SLC16A7: variants seen among roughly 807,000 people sequenced by gnomAD.
SLC16A7 encodes monocarboxylate transporter 2.
In SLC16A7, 33 loss-of-function variants were observed where a neutral mutation model predicts 34.9. The ratio of observed to expected loss-of-function variants is 0.94; its 90% CI spans 0.72 to 1.26. The LOEUF is 1.26. Among genes scored for constraint, SLC16A7 ranks in the 50% most tolerant of loss-of-function variants. The probability of loss-of-function intolerance (pLI) is 0.00; values close to 1 mark genes in which losing one functional copy is unlikely to be tolerated. For missense variants in SLC16A7, 573 were observed against 578.1 expected, an observed-to-expected ratio of 0.99 and a Z score of 0.09; for synonymous variants, 201 against 206.6, an observed-to-expected ratio of 0.97 and a Z score of 0.23.
chr12:59,755,244 G>A (rs1006612698), intron 3 of SLC16A7, among the ~76,000 whole-genome samples: 8 of 152,146 alleles, frequency 5.3e-5, no homozygotes, highest in Non-Finnish European at 1.0e-4. Context: ...AGTGTTGGAA[G>A]TTCTGGCCAG....
intron 1 of SLC16A7, among the ~76,000 whole-genome samples, chr12:59,649,782 C>T (rs915952668): frequency 1.3e-5 from 2 of 152,090 alleles, no homozygotes; most frequent in African/African-American, 4.8e-5. Context: ...AACCCCGTCT[C>T]TACTAAAAAT....
At chr12:59,678,553 G>T (rs1196778070) in intron 2 of SLC16A7, among the ~76,000 whole-genome samples, 2 of 152,140 alleles carry the variant, frequency 1.3e-5, no homozygotes, top group Non-Finnish European at 2.9e-5. Context: ...TTCTACGCAG[G>T]CAGGTTGTCC....
In SLC16A7 at chr12:59,694,785, A is replaced by T. The variant is rs1401889815; in HGVS notation, c.-30-9987A>T. ...CTACCTTTCATTTTTAAAACTAAAGATTAGTAAATGCATTGTATAAATATA... is the reference window on the plus strand; with the variant it reads ...CTACCTTTCATTTTTAAAACTAAAGTTTAGTAAATGCATTGTATAAATATA... On this transcript the variant is annotated intron_variant, in intron 2 of 5. Coordinates refer to ENST00000547379, the MANE Select transcript of SLC16A7 (RefSeq NM_001270623.2). Among the ~76,000 whole-genome samples, 4 of 151,984 alleles carry T rather than the reference A, an allele frequency of 2.6e-5. No homozygotes were observed. The South Asian group carries it at 8.3e-4, about 31-fold the overall frequency.
chr12:59,614,824 T>TAAAAAAAACAAAACAAAACAAAAAAAA (rs1879365708), intron 1 of SLC16A7, among the ~76,000 whole-genome samples: 1 of 35,744 alleles, frequency 2.8e-5, no homozygotes, highest in African/African-American at 1.2e-4. Context: ...CCATTCCTAC[T>TAAAAAAAACAAAACAAAACAAAAAAAA]AAAAAAAAAA....
At chr12:59,606,950 A>T (rs1194794479) in intron 1 of SLC16A7, among the ~76,000 whole-genome samples, 1 of 152,156 alleles carries the variant, frequency 6.6e-6, no homozygotes, top group Non-Finnish European at 1.5e-5. Flanking sequence ...GATAGAGAAC[A>T]TGATTTTCTA....
At chr12:59,636,157 G>A (rs963360448) in intron 1 of SLC16A7, among the ~76,000 whole-genome samples, 1 of 151,994 alleles carries the variant, frequency 6.6e-6, no homozygotes, top group Non-Finnish European at 1.5e-5. Flanking sequence ...GATCAAAACT[G>A]TGTAGGTTCT....
chr12:59,601,209 A>C (rs1878667281), intron 1 of SLC16A7, among the ~76,000 whole-genome samples: 1 of 152,218 alleles, frequency 6.6e-6, no homozygotes. Context: ...AATATGTATC[A>C]TTATTAATTA....
chr12:59,764,857 A>G (rs1266577814), intron 3 of SLC16A7, among the ~76,000 whole-genome samples: 1 of 152,040 alleles, frequency 6.6e-6, no homozygotes, highest in Non-Finnish European at 1.5e-5. Context: ...CAGTAATGGG[A>G]TTGCTGGGTC....
At chr12:59,642,405 C>T (rs1383207826) in intron 1 of SLC16A7, among the ~76,000 whole-genome samples, 1 of 151,946 alleles carries the variant, frequency 6.6e-6, no homozygotes, top group Non-Finnish European at 1.5e-5. Flanking sequence ...ATTTCGCTTA[C>T]CATATTTTTC....
rs1883621627 is a variant in SLC16A7 at position 59,786,335 on chromosome 12, T to C, written c.*6656T>C. ...TTAAAACATTCTTTTGACTAAGACT[T>C]TAATTCTTATATGCATCTAAAATAA... On this transcript the variant is annotated 3_prime_UTR_variant, in exon 6 of 6. Transcript: ENST00000547379. 1 of 151,140 alleles carries C rather than the reference T, an allele frequency of 6.6e-6. No individual in the cohort carries two copies. Among genetic ancestry groups the C allele is most frequent in the Non-Finnish European group, 1.5e-5 (1 of 67,966 alleles). The allele number at this position is 151,140 out of a possible 1,614,324, so 9.4% of individuals were successfully genotyped here. A position where few individuals can be genotyped will look rare whatever the true frequency, so the allele number is the denominator to read the frequency against.
chr12:59,768,237 G>C, intron 3 of SLC16A7: 1 of 453,808 alleles, frequency 2.2e-6, no homozygotes, highest in Non-Finnish European at 4.4e-6. Flanking sequence ...TATGGGAGGA[G>C]GTCAAAATAC....
At chr12:59,665,447 A>G (rs1197658223) in intron 2 of SLC16A7, among the ~76,000 whole-genome samples, 1 of 151,958 alleles carries the variant, frequency 6.6e-6, no homozygotes, top group African/African-American at 2.4e-5. Flanking sequence ...GTTGAAAAAA[A>G]ATAGTAAAAA....
Position 59,650,268 on chromosome 12 carries a change from T to C in SLC16A7, c.-129-4884T>C, listed in dbSNP as rs891283586. Among the ~76,000 whole-genome samples the C allele has an allele frequency of 7.2e-5, 11 of 152,008 alleles. 1 individual carries two copies. The highest frequency in any genetic ancestry group is 5.2e-4 in the Admixed American group (8 of 15,248). On this transcript the variant is annotated intron_variant, in intron 1 of 5. Coordinates refer to ENST00000547379, the MANE Select transcript of SLC16A7 (RefSeq NM_001270623.2). The stretch of plus-strand genomic sequence containing the variant: ...TGTCTTATTCAAAATAAAGGAGATA[T>C]GGTATTATGAAGTGAATTCTAAGCA...
Position 59,668,567 on chromosome 12 carries a change from G to A in SLC16A7, c.-31+13317G>A, listed in dbSNP as rs143132966. The stretch of plus-strand genomic sequence containing the variant: ...TCTGCACCCCAGTTGTATCTAGGAA[G>A]GAACTAACTTGCTTTTGATTTTACA... On this transcript the variant is annotated intron_variant, in intron 2 of 5. Coordinates refer to ENST00000547379, the MANE Select transcript of SLC16A7 (RefSeq NM_001270623.2). 4.1e-3 allele frequency among the ~76,000 whole-genome samples: 631 copies of A among 152,258 alleles called. 16 individuals are homozygous for A. Among genetic ancestry groups the A allele is most frequent in the Non-Finnish European group, 1.7e-3 (119 of 68,022 alleles).
At position 59,786,292 on chromosome 12, in the gene SLC16A7, T is replaced by C. The variant is rs1466325146; in HGVS notation, c.*6613T>C. On this transcript the variant is annotated 3_prime_UTR_variant, in exon 6 of 6. Coordinates refer to ENST00000547379, the MANE Select transcript of SLC16A7 (RefSeq NM_001270623.2). ...CAAAAGAATGGCATTTTATCTCACA[T>C]AAATTTAGGATGAAATTTTAAAACA... is the stretch of plus-strand genomic sequence containing the variant. 6.6e-6 allele frequency: 1 copy of C among 151,990 alleles called. No individual in the cohort carries two copies. Among genetic ancestry groups the C allele is most frequent in the Non-Finnish European group, 1.5e-5 (1 of 67,964 alleles). The allele number at this position is 151,990 out of a possible 1,614,324, so 9.4% of individuals were successfully genotyped here.
In SLC16A7 at chr12:59,783,621, A is replaced by G. The variant is rs1297004122; in HGVS notation, c.*3942A>G. On this transcript the variant is annotated 3_prime_UTR_variant, in exon 6 of 6. Transcript: ENST00000547379. ...TGTTTATTAGAGAACTGCATTTGCT[A>G]GAACCTGAATATGTAATTTCTTTCT... The G allele has an allele frequency of 1.3e-5, 2 of 151,400 alleles. No individual in the cohort carries two copies. The highest frequency in any genetic ancestry group is 2.9e-5 in the Non-Finnish European group (2 of 67,952). The allele number at this position is 151,400 out of a possible 1,614,324, so 9.4% of individuals were successfully genotyped here.
chr12:59,709,957 C>T (rs1277944288), intron 3 of SLC16A7, among the ~76,000 whole-genome samples: 3 of 151,606 alleles, frequency 2.0e-5, no homozygotes, highest in Non-Finnish European at 4.4e-5. Flanking sequence ...TGGCATGCAT[C>T]TTCCCTTTCT....
chr12:59,603,822 T>C (rs1878803698), intron 1 of SLC16A7, among the ~76,000 whole-genome samples: 1 of 152,234 alleles, frequency 6.6e-6, no homozygotes, highest in Admixed American at 6.5e-5. Context: ...TGTGTTGTTT[T>C]CATTATGTTC....
At position 59,712,192 on chromosome 12, in the gene SLC16A7, T is replaced by C. The variant is rs915641077; in HGVS notation, c.217+7174T>C. The stretch of plus-strand genomic sequence containing the variant: ...TGATTCACTGCAGTTGTTGCTGCTG[T>C]TGTTCTTGATATTCTCCATTATGCA... On this transcript the variant is annotated intron_variant, in intron 3 of 5. Coordinates refer to ENST00000547379, the MANE Select transcript of SLC16A7 (RefSeq NM_001270623.2). 2.0e-5 allele frequency among the ~76,000 whole-genome samples: 3 copies of C among 152,254 alleles called. No homozygotes were observed. The South Asian group carries it at 6.2e-4, about 32-fold the overall frequency.
Sources: allele counts gnomAD v4.1 joint callset (sites outside exome capture counted in the v4.1 genomes callset), GRCh38; gene constraint gnomAD v4.1.1; transcripts MANE v1.5; gene names NCBI Gene and HGNC (gene_info 2026-07-23, HGNC 2026-07-21).